The following CTNNA2 variants were observed in gnomAD, a reference collection of about 807,000 sequenced individuals.
CTNNA2 encodes catenin alpha-2.
A neutral mutation model predicts 101.0 loss-of-function variants in CTNNA2; 42 were observed. The ratio of observed to expected loss-of-function variants is 0.42; its 90% CI spans 0.32 to 0.54. The LOEUF (loss-of-function observed/expected upper bound fraction) is 0.54, where lower values mean the gene tolerates loss of function less well. Ranked by LOEUF, CTNNA2 falls within the 20% of genes least tolerant of loss-of-function variation. The pLI is 0.14. For synonymous variants in CTNNA2, 450 were observed against 456.4 expected (o/e 0.99, Z 0.18); for missense variants, 871 against 1,223.1 (o/e 0.71, Z 4.29).
intron 3 of CTNNA2, among the ~76,000 whole-genome samples, chr2:79,334,560 A>G (rs751467969): frequency 4.6e-5 from 7 of 152,124 alleles, no homozygotes; most frequent in Non-Finnish European, 8.8e-5. Flanking sequence ...GAAGAGTTTG[A>G]GCTAATACAA....
At position 80,647,717 on chromosome 2, in the gene CTNNA2, G is replaced by C; in HGVS notation, c.2707G>C (p.Val903Leu). 6.2e-7 allele frequency: 1 copy of C among 1,613,516 alleles called. No individual in the cohort carries two copies. The highest frequency in any genetic ancestry group is 8.5e-7 in the Non-Finnish European group (1 of 1,179,574). ...VYGTAAVNSP[V>L]VSWKMKAPEK... ...TGGGACAGCAGCTGTCAACTCACCT[G>C]TTGTGTCTTGGAAGATGAAGGCTCC... Residue 903 changes from valine (V) to leucine (L), a missense_variant, in exon 19 of 19, where the codon GTT becomes CTT. This residue lies in a region of CTNNA2 where 25 missense variants were observed against 69.5 expected (regional missense o/e 0.36). Transcript: ENST00000402739.
At chr2:80,161,563 C>T (rs1704321003) in intron 7 of CTNNA2, among the ~76,000 whole-genome samples, 1 of 152,124 alleles carries the variant, frequency 6.6e-6, no homozygotes, top group Admixed American at 6.5e-5. Flanking sequence ...ACAACCTGTA[C>T]AGTCTCCATT....
At chr2:79,462,782 G>A (rs1029908302) in intron 4 of CTNNA2, among the ~76,000 whole-genome samples, 2 of 152,176 alleles carry the variant, frequency 1.3e-5, no homozygotes, top group Non-Finnish European at 2.9e-5. Flanking sequence ...TCTGTGCCAG[G>A]TGCTGACTCT....
intron 3 of CTNNA2, among the ~76,000 whole-genome samples, chr2:79,750,879 A>T (rs538093089): frequency 6.6e-6 from 1 of 152,130 alleles, no homozygotes; most frequent in East Asian, 1.9e-4. Flanking sequence ...CTCAAAAAAA[A>T]AAAAAGAGGT....
At chr2:80,116,482 ATGTT>A (rs1395512528) in intron 7 of CTNNA2, among the ~76,000 whole-genome samples, 1 of 151,796 alleles carries the variant, frequency 6.6e-6, no homozygotes, top group Admixed American at 6.6e-5. Flanking sequence ...TTTTCTGTAT[ATGTT>A]TGTGTGCATA....
At chr2:80,457,374 C>T (rs1051513829) in intron 9 of CTNNA2, among the ~76,000 whole-genome samples, 9 of 151,970 alleles carry the variant, frequency 5.9e-5, no homozygotes, top group Admixed American at 2.0e-4. Context: ...GATCGTTATA[C>T]ATTATATATA....
intron 3 of CTNNA2, among the ~76,000 whole-genome samples, chr2:79,841,134 T>C (rs901522045): frequency 1.3e-5 from 2 of 152,166 alleles, no homozygotes; most frequent in Non-Finnish European, 2.9e-5. Context: ...TCTTGCTCTG[T>C]TGCTCAGGCT....
At chr2:80,036,445 G>C (rs1250880974) in intron 7 of CTNNA2, among the ~76,000 whole-genome samples, 1 of 151,920 alleles carries the variant, frequency 6.6e-6, no homozygotes, top group Non-Finnish European at 1.5e-5. Context: ...AAGTAAATAA[G>C]TAAATAAAAA....
intron 1 of CTNNA2, among the ~76,000 whole-genome samples, chr2:79,610,851 T>C (rs1489388450): frequency 6.6e-6 from 1 of 152,144 alleles, no homozygotes; most frequent in Non-Finnish European, 1.5e-5. Flanking sequence ...ATGTGTTCTT[T>C]TGTACTAGAA....
chr2:79,214,944 A>G (rs1309532976), intron 2 of CTNNA2, among the ~76,000 whole-genome samples: 2 of 151,998 alleles, frequency 1.3e-5, no homozygotes, highest in Non-Finnish European at 2.9e-5. Flanking sequence ...CCTTGAAAAG[A>G]AGGTAATGTG....
intron 7 of CTNNA2, among the ~76,000 whole-genome samples, chr2:80,022,977 A>T (rs1366972509): frequency 6.6e-6 from 1 of 152,182 alleles, no homozygotes; most frequent in Non-Finnish European, 1.5e-5. Context: ...CTTGCTAATG[A>T]CCCAGCAACC....
intron 3 of CTNNA2, among the ~76,000 whole-genome samples, chr2:79,770,153 TA>T (rs572819703): frequency 6.7e-4 from 102 of 152,250 alleles, no homozygotes; most frequent in Non-Finnish European, 1.3e-3. Flanking sequence ...GGGATACTGC[TA>T]AACATCCTGC....
chr2:79,542,857 AT>A (rs199925844), intron 1 of CTNNA2, among the ~76,000 whole-genome samples: 5 of 151,990 alleles, frequency 3.3e-5, no homozygotes, highest in Non-Finnish European at 7.4e-5. Flanking sequence ...TAATGTCCTG[AT>A]TTTTTTCACT....
intron 9 of CTNNA2, among the ~76,000 whole-genome samples, chr2:80,440,981 G>A (rs1682512769): frequency 1.3e-5 from 2 of 152,196 alleles, no homozygotes. Context: ...TGATGAAGCG[G>A]CCACTATCTG....
upstream of CTNNA2, among the ~76,000 whole-genome samples, chr2:79,512,784 C>T (rs1239341078): frequency 2.6e-5 from 4 of 151,528 alleles, no homozygotes; most frequent in Non-Finnish European, 5.9e-5. Flanking sequence ...CCGCCCCGCC[C>T]TTTCGGGCGC....
chr2:79,368,169 G>A (rs1044727865), intron 3 of CTNNA2, among the ~76,000 whole-genome samples: 1 of 152,172 alleles, frequency 6.6e-6, no homozygotes, highest in African/African-American at 2.4e-5. Context: ...CAAATCAAGA[G>A]AAAGAATTAA....
intron 3 of CTNNA2, among the ~76,000 whole-genome samples, chr2:79,761,030 TC>T (rs145032749): frequency 9.8e-4 from 149 of 152,324 alleles, no homozygotes; most frequent in African/African-American, 2.2e-3. Flanking sequence ...TCTCATCTAA[TC>T]TATAAAATTC....
chr2:80,325,690 A>C (rs1679176067), intron 7 of CTNNA2, among the ~76,000 whole-genome samples: 1 of 152,216 alleles, frequency 6.6e-6, no homozygotes, highest in Non-Finnish European at 1.5e-5. Flanking sequence ...GCCATTAGAT[A>C]CAGTTTTGCT....
intron 9 of CTNNA2, among the ~76,000 whole-genome samples, chr2:80,524,683 A>C (rs1175930173): frequency 6.6e-6 from 1 of 152,048 alleles, no homozygotes. Flanking sequence ...AATTTTTGCC[A>C]TTACCTCCTT....
Sources: allele counts gnomAD v4.1 joint callset (sites outside exome capture counted in the v4.1 genomes callset), GRCh38; gene constraint gnomAD v4.1.1; regional missense constraint gnomAD v4.1.1; transcripts MANE v1.5; gene names NCBI Gene and HGNC (gene_info 2026-07-23, HGNC 2026-07-21).